Variants in THSD7A observed in about 807,000 individuals in gnomAD.
The protein encoded by THSD7A is thrombospondin type-1 domain-containing protein 7A.
THSD7A carries 96 observed loss-of-function variants against 231.3 expected under a neutral mutation model. The ratio of observed to expected loss-of-function variants is 0.41; its 90% confidence interval spans 0.35 to 0.49. THSD7A has a LOEUF of 0.49. THSD7A is among the 20% of genes least tolerant of loss of function. THSD7A has a pLI of 0.05. For synonymous variants in THSD7A, 940 were observed against 743.3 expected (o/e 1.26, Z -4.30); for missense variants, 2,290 against 2,070.2 (o/e 1.11, Z -2.06).
intron 23 of THSD7A, among the ~76,000 whole-genome samples, chr7:11,394,804 G>A (rs556653773): frequency 6.6e-6 from 1 of 152,244 alleles, no homozygotes; most frequent in South Asian, 2.1e-4. Flanking sequence ...ACCTGTGGCC[G>A]AGTACTCATT....
chr7:11,723,569 C>A (rs2128154140), intron 1 of THSD7A, among the ~76,000 whole-genome samples: 1 of 151,806 alleles, frequency 6.6e-6, no homozygotes, highest in East Asian at 2.0e-4. Context: ...ATATACCAGG[C>A]AAATTCAAAA....
chr7:11,437,436 A>G (rs552853884), intron 13 of THSD7A, among the ~76,000 whole-genome samples: 3 of 152,038 alleles, frequency 2.0e-5, no homozygotes, highest in Non-Finnish European at 4.4e-5. Flanking sequence ...TTGGCTCTTT[A>G]AACTTGCAAC....
In THSD7A at chr7:11,547,034, G is replaced by A. The variant is rs184537849; in HGVS notation, c.1454-3917C>T. ...TAAACAAATTAAAAAAGTGAAATAA[G>A]GAATTATGTGAAATATGGGATTATG... On this transcript the variant is annotated intron_variant, in intron 4 of 27. Coordinates refer to ENST00000423059, the MANE Select transcript of THSD7A (RefSeq NM_015204.3). Among the ~76,000 whole-genome samples the A allele has an allele frequency of 1.5e-3, 229 of 152,200 alleles. 1 individual carries two copies. Among genetic ancestry groups the A allele is most frequent in the Admixed American group, 4.9e-3 (75 of 15,290 alleles).
intron 1 of THSD7A, among the ~76,000 whole-genome samples, chr7:11,719,977 G>C (rs1781290146): frequency 6.6e-6 from 1 of 151,720 alleles, no homozygotes; most frequent in Non-Finnish European, 1.5e-5. Context: ...CATGCTCAAA[G>C]ATAAGTATTG....
At chr7:11,422,598 C>CAAAAA (rs5882308) in intron 16 of THSD7A, among the ~76,000 whole-genome samples, 28 of 97,878 alleles carry the variant, frequency 2.9e-4, no homozygotes, top group Non-Finnish European at 4.5e-4. Context: ...ATTTACAAAG[C>CAAAAA]AAAAAAAAAA....
chr7:11,727,923 T>C (rs1781602457), intron 1 of THSD7A, among the ~76,000 whole-genome samples: 1 of 151,994 alleles, frequency 6.6e-6, no homozygotes, highest in African/African-American at 2.4e-5. Context: ...TTTTGTCTTT[T>C]AGAAAACTTT....
rs1461219879 is a variant in THSD7A, at chr7:11,417,477, T to C, written c.3510A>G (p.Glu1170=). ...AAACACATTGGGTCCATGGACCCCA[T>C]TCAGATATCACACAGTCCTCAGGGC... is the stretch of plus-strand genomic sequence containing the variant. ...LPCPEDCVIS[E]WGPWTQCVLP... Residue 1170 remains glutamate (E), a synonymous_variant, in exon 17 of 28, where the codon GAA becomes GAG. Transcript: ENST00000423059. 1.9e-6 allele frequency: 3 copies of C among 1,609,586 alleles called. No homozygotes were observed. In the Admixed American group the frequency reaches 5.1e-5, roughly 27 times the overall value.
At chr7:11,807,920 C>A (rs892912638) in intron 1 of THSD7A, among the ~76,000 whole-genome samples, 2 of 151,988 alleles carry the variant, frequency 1.3e-5, no homozygotes, top group African/African-American at 4.8e-5. Context: ...TTAAGTAATA[C>A]CAAAATAAAT....
At chr7:11,721,774 T>G (rs1297145241) in intron 1 of THSD7A, among the ~76,000 whole-genome samples, 1 of 151,936 alleles carries the variant, frequency 6.6e-6, no homozygotes, top group Non-Finnish European at 1.5e-5. Context: ...CATTTGTATT[T>G]TAAACACTGC....
intron 6 of THSD7A, among the ~76,000 whole-genome samples, chr7:11,501,560 T>C (rs1787337228): frequency 1.3e-5 from 2 of 152,126 alleles, no homozygotes; most frequent in Admixed American, 1.3e-4. Context: ...AAGGCATAAA[T>C]CAAGAAGTTA....
Position 11,543,136 on chromosome 7 carries a change from A to G in THSD7A, c.1454-19T>C. 1 of 1,596,844 alleles carries G rather than the reference A, an allele frequency of 6.3e-7. No individual in the cohort carries two copies. Among genetic ancestry groups the G allele is most frequent in the Non-Finnish European group, 8.5e-7 (1 of 1,170,872 alleles). ...TTTGAGGCTAGAGAAAAATACAGAC[A>G]CATATTAAAAAATGAACAAAAGGAA... On this transcript the variant is annotated intron_variant, in intron 4 of 27. Coordinates refer to ENST00000423059, the MANE Select transcript of THSD7A (RefSeq NM_015204.3).
At chr7:11,829,395 T>C (rs930008248) in intron 1 of THSD7A, among the ~76,000 whole-genome samples, 27 of 152,134 alleles carry the variant, frequency 1.8e-4, no homozygotes, top group African/African-American at 6.5e-4. Flanking sequence ...TAATGAGTAT[T>C]ACAAAATAGG....
At chr7:11,412,927 C>T (rs1305045754) in intron 17 of THSD7A, 127 bp from the exon 18 acceptor site, 4 of 902,062 alleles carry the variant, frequency 4.4e-6, no homozygotes, top group Admixed American at 2.6e-5. Context: ...AGTCAGTCAA[C>T]CTCATTATGC....
intron 1 of THSD7A, among the ~76,000 whole-genome samples, chr7:11,802,919 T>A (rs982316815): frequency 6.6e-6 from 1 of 152,162 alleles, no homozygotes; most frequent in African/African-American, 2.4e-5. Context: ...CCTTTAGAGA[T>A]CTTAGACTCT....
At chr7:11,789,693 A>G (rs1583293043) in intron 1 of THSD7A, among the ~76,000 whole-genome samples, 1 of 152,138 alleles carries the variant, frequency 6.6e-6, no homozygotes, top group African/African-American at 2.4e-5. Context: ...CTCATCTTGC[A>G]TAACTGAAAC....
At chr7:11,387,936 C>G (rs1782824717) in intron 23 of THSD7A, among the ~76,000 whole-genome samples, 1 of 152,128 alleles carries the variant, frequency 6.6e-6, no homozygotes, top group Middle Eastern at 3.2e-3. Flanking sequence ...TGAATTTTGA[C>G]AAAGGCCTTT....
intron 2 of THSD7A, among the ~76,000 whole-genome samples, chr7:11,603,977 A>G (rs1780648089): frequency 6.6e-6 from 1 of 151,968 alleles, no homozygotes; most frequent in South Asian, 2.1e-4. Flanking sequence ...ATGTATACAT[A>G]TGTAACTAAT....
At chr7:11,790,974 A>T (rs1783934516) in intron 1 of THSD7A, among the ~76,000 whole-genome samples, 1 of 151,938 alleles carries the variant, frequency 6.6e-6, no homozygotes, top group Non-Finnish European at 1.5e-5. Flanking sequence ...TCTATATTCT[A>T]CTGTAATCTG....
rs115354975 is a variant in THSD7A, at chr7:11,400,603, C to T, written c.4411+1192G>A. On this transcript the variant is annotated intron_variant, in intron 23 of 27. Transcript: ENST00000423059. ...TTATTTTATTTATTGTAACTTTTGA[C>T]CTTTCTTTACTCTTTACTTATCCTA... Among the ~76,000 whole-genome samples the T allele has an allele frequency of 5.6e-3, 845 of 152,132 alleles. 9 individuals are homozygous for T. Among genetic ancestry groups the T allele is most frequent in the African/African-American group, 0.02 (812 of 41,506 alleles).
Sources: allele counts gnomAD v4.1 joint callset (sites outside exome capture counted in the v4.1 genomes callset), GRCh38; gene constraint gnomAD v4.1.1; transcripts MANE v1.5; gene names NCBI Gene and HGNC (gene_info 2026-07-23, HGNC 2026-07-21).